Variants in PXDNL observed in about 807,000 individuals in gnomAD.
PXDNL encodes peroxidasin like.
PXDNL carries 145 observed loss-of-function variants against 150.8 expected under a neutral mutation model. The ratio of observed to expected loss-of-function variants is 0.96; its 90% CI spans 0.84 to 1.10. The LOEUF (loss-of-function observed/expected upper bound fraction) is 1.10, where lower values mean the gene tolerates loss of function less well. Among genes scored for constraint, PXDNL ranks in the 50% least tolerant of loss-of-function variants. The probability of loss-of-function intolerance (pLI) is 0.00; values close to 1 mark genes in which losing one functional copy is unlikely to be tolerated. For missense variants in PXDNL, 2,087 were observed against 1,873.9 expected (o/e 1.11, Z -2.10); for synonymous variants, 757 against 725.7 (o/e 1.04, Z -0.69).
intron 8 of PXDNL, among the ~76,000 whole-genome samples, chr8:51,458,305 A>G (rs962492697): frequency 1.6e-4 from 24 of 152,344 alleles, no homozygotes; most frequent in African/African-American, 5.3e-4. Flanking sequence ...GCAACACCAT[A>G]TCACATCAAT....
intron 21 of PXDNL, among the ~76,000 whole-genome samples, chr8:51,332,202 G>C (rs1379319678): frequency 1.3e-5 from 2 of 149,936 alleles, no homozygotes; most frequent in Non-Finnish European, 1.5e-5. Context: ...TAGACTCGCT[G>C]GATGGCTAGA....
At chr8:51,407,646 A>G (rs1229459267) in intron 17 of PXDNL, among the ~76,000 whole-genome samples, 1 of 152,204 alleles carries the variant, frequency 6.6e-6, no homozygotes, top group Admixed American at 6.5e-5. Flanking sequence ...AACTACCACA[A>G]AAAATAATTT....
Position 51,756,075 on chromosome 8 carries a change from T to G in PXDNL, c.164+53106A>C, listed in dbSNP as rs76628836. 2.3e-4 allele frequency among the ~76,000 whole-genome samples: 35 copies of G among 152,198 alleles called. No individual in the cohort carries two copies. In the East Asian group the frequency reaches 6.7e-3, roughly 29 times the overall value. ...TCATATACATGAGTATCACATGTAT[T>G]ATAAATTACACCATCTCTTAAAAAA... On this transcript the variant is annotated intron_variant, in intron 1 of 22. Transcript: ENST00000356297.
At chr8:51,335,601 T>A (rs1039718327) in intron 21 of PXDNL, among the ~76,000 whole-genome samples, 1 of 152,078 alleles carries the variant, frequency 6.6e-6, no homozygotes. Context: ...TTTTGTAATA[T>A]CTGTGAAGAC....
chr8:51,582,639 C>T (rs1813232802), intron 3 of PXDNL, among the ~76,000 whole-genome samples: 2 of 152,074 alleles, frequency 1.3e-5, no homozygotes, highest in African/African-American at 4.8e-5. Flanking sequence ...CCCTCTTACT[C>T]TTGATTTTAT....
chr8:51,350,973 A>G (rs1380931446), intron 19 of PXDNL, among the ~76,000 whole-genome samples: 5 of 152,308 alleles, frequency 3.3e-5, no homozygotes, highest in African/African-American at 4.8e-5. Context: ...TTAATACATC[A>G]TATCTTTAGA....
chr8:51,761,696 T>C (rs1286850722), intron 1 of PXDNL, among the ~76,000 whole-genome samples: 1 of 152,226 alleles, frequency 6.6e-6, no homozygotes, highest in Non-Finnish European at 1.5e-5. Flanking sequence ...ACTTACCTTA[T>C]CTGAAATATT....
At chr8:51,334,872 G>T (rs565827738) in intron 21 of PXDNL, among the ~76,000 whole-genome samples, 1 of 152,238 alleles carries the variant, frequency 6.6e-6, no homozygotes, top group Admixed American at 6.5e-5. Context: ...CTTGTACATT[G>T]TTTTGACAAT....
Position 51,621,943 on chromosome 8 carries a change from CAAAAAAAA to C in PXDNL, c.237-29253_237-29246del, listed in dbSNP as rs71237221. ...TGGGTGACAGAGTGAGACCCTGTCTCAAAAAAAAAAAAAAAAAAAGCAATTTTGCAGAT... is the reference window on the plus strand; with the variant it reads ...TGGGTGACAGAGTGAGACCCTGTCTCAAAAAAAAAAAGCAATTTTGCAGAT... On this transcript the variant is annotated intron_variant, in intron 2 of 22. Transcript: ENST00000356297. Among the ~76,000 whole-genome samples the C allele has an allele frequency of 5.1e-4, 65 of 128,188 alleles. 1 individual carries two copies. The highest frequency in any genetic ancestry group is 9.5e-4 in the Admixed American group (12 of 12,566). 84.1% of individuals were successfully genotyped at this position (128,188 alleles called of 152,430 possible).
At chr8:51,705,830 TGTGCGCGC>T (rs71828659) in intron 1 of PXDNL, among the ~76,000 whole-genome samples, 471 of 57,450 alleles carry the variant, frequency 8.2e-3, no homozygotes, top group East Asian at 0.054. Context: ...TGTGTGTGTG[TGTGCGCGC>T]GCGCGCGCGC....
intron 2 of PXDNL, among the ~76,000 whole-genome samples, chr8:51,653,084 A>G (rs553769029): frequency 1.4e-4 from 22 of 152,338 alleles, no homozygotes; most frequent in African/African-American, 5.1e-4. Context: ...ATGTTTCAGT[A>G]GACAGTGGTG....
intron 4 of PXDNL, among the ~76,000 whole-genome samples, chr8:51,522,251 C>G (rs919843943): frequency 1.3e-5 from 2 of 152,064 alleles, no homozygotes; most frequent in Non-Finnish European, 2.9e-5. Flanking sequence ...AAAAGATCAT[C>G]AAAAATAAGA....
At chr8:51,751,585 G>T (rs972396833) in intron 1 of PXDNL, among the ~76,000 whole-genome samples, 1 of 152,072 alleles carries the variant, frequency 6.6e-6, no homozygotes, top group South Asian at 2.1e-4. Flanking sequence ...GGTCTCAGCA[G>T]AAAAAAGGGA....
chr8:51,610,601 C>G (rs1014643575), intron 2 of PXDNL, among the ~76,000 whole-genome samples: 2 of 152,016 alleles, frequency 1.3e-5, no homozygotes, highest in Non-Finnish European at 2.9e-5. Context: ...AACAATACTC[C>G]TTTATTATCT....
intron 11 of PXDNL, among the ~76,000 whole-genome samples, chr8:51,447,818 G>C (rs773089864): frequency 5.3e-5 from 8 of 152,176 alleles, no homozygotes; most frequent in Non-Finnish European, 8.8e-5. Context: ...TAACCCTATT[G>C]AGCGTACACA....
intron 18 of PXDNL, among the ~76,000 whole-genome samples, chr8:51,373,403 T>C (rs2977002): frequency 0.81 from 123,231 of 152,110 alleles, 50,158 homozygotes; most frequent in East Asian, 0.95. Flanking sequence ...AACAGCCTGG[T>C]AAACTAATAT....
intron 12 of PXDNL, among the ~76,000 whole-genome samples, chr8:51,442,734 T>A (rs958916127): frequency 6.6e-6 from 1 of 152,160 alleles, no homozygotes; most frequent in African/African-American, 2.4e-5. Context: ...ATGTTTTTAA[T>A]GTGCTACTGG....
At chr8:51,479,148 A>G (rs925043607) in intron 6 of PXDNL, among the ~76,000 whole-genome samples, 2 of 152,198 alleles carry the variant, frequency 1.3e-5, no homozygotes, top group African/African-American at 4.8e-5. Flanking sequence ...GGCTAGAACA[A>G]AAAAGCTGCT....
At chr8:51,699,100 A>G (rs1248967349) in intron 1 of PXDNL, among the ~76,000 whole-genome samples, 1 of 152,182 alleles carries the variant, frequency 6.6e-6, no homozygotes, top group African/African-American at 2.4e-5. Context: ...GGTAAAAGAG[A>G]TGTGGCTTCA....
Sources: gnomAD v4.1 joint callset for allele counts (sites outside exome capture counted in the v4.1 genomes callset) on GRCh38, gnomAD v4.1.1 for gene constraint, MANE v1.5 for transcripts, NCBI Gene and HGNC (gene_info 2026-07-23, HGNC 2026-07-21) for gene names.